Variants in SVEP1 observed in about 807,000 individuals in gnomAD.
SVEP1 encodes the protein sushi, von Willebrand factor type A, EGF and pentraxin domain-containing protein 1.
Under a neutral mutation model 367.3 loss-of-function variants are expected in SVEP1, and 164 were observed. The observed-to-expected ratio is 0.45, with a 90% CI of 0.39 to 0.51. The LOEUF (loss-of-function observed/expected upper bound fraction) is 0.51. SVEP1 is among the 20% of genes least tolerant of loss of function. SVEP1 has a pLI of 0.00. For missense variants in SVEP1, 4,117 were observed against 4,425.3 expected (o/e 0.93, Z 1.98); for synonymous variants, 1,666 against 1,611.6 (o/e 1.03, Z -0.81).
At chr9:110,428,747 G>T (rs1828300474) in intron 35 of SVEP1, among the ~76,000 whole-genome samples, 1 of 149,176 alleles carries the variant, frequency 6.7e-6, no homozygotes, top group Admixed American at 6.8e-5. Flanking sequence ...TTTGTTTTTA[G>T]AGTCAGCCAG....
chr9:110,401,843 A>G (rs1827867547), intron 39 of SVEP1, among the ~76,000 whole-genome samples: 1 of 152,012 alleles, frequency 6.6e-6, no homozygotes, highest in Admixed American at 6.6e-5. Flanking sequence ...GAAGATTGTT[A>G]TTCTATTGCT....
intron 19 of SVEP1, 127 bp from the exon 20 acceptor site, chr9:110,458,689 T>A (rs1828813278): frequency 9.7e-7 from 1 of 1,030,436 alleles, no homozygotes; most frequent in African/African-American, 1.6e-5. Context: ...TTCACTTATA[T>A]TTTAAAAAAG....
At chr9:110,383,303 T>C (rs1457845473) in intron 43 of SVEP1, among the ~76,000 whole-genome samples, 1 of 152,226 alleles carries the variant, frequency 6.6e-6, no homozygotes, top group Non-Finnish European at 1.5e-5. Context: ...TTGTTTTTCT[T>C]TTAACAGTCA....
At chr9:110,507,130 A>T (rs1210951785) in intron 5 of SVEP1, among the ~76,000 whole-genome samples, 1 of 152,242 alleles carries the variant, frequency 6.6e-6, no homozygotes, top group African/African-American at 2.4e-5. Flanking sequence ...AGCATTGGAC[A>T]TCGTACAAAA....
intron 3 of SVEP1, among the ~76,000 whole-genome samples, chr9:110,537,590 G>A (rs779963021): frequency 3.9e-5 from 6 of 151,916 alleles, no homozygotes; most frequent in Non-Finnish European, 7.4e-5. Flanking sequence ...GAATTATGTA[G>A]TGGAAGTAGA....
chr9:110,556,836 A>C (rs1830363107), intron 1 of SVEP1, among the ~76,000 whole-genome samples: 1 of 152,140 alleles, frequency 6.6e-6, no homozygotes, highest in Admixed American at 6.6e-5. Context: ...GAGCCAATAG[A>C]AGGAAATATA....
chr9:110,471,639 G>GT, intron 15 of SVEP1, 42 bp from the exon 16 acceptor site: 1 of 1,430,920 alleles, frequency 7.0e-7, no homozygotes, highest in Non-Finnish European at 9.6e-7. Context: ...AACACATGGT[G>GT]TTTCAGAAAG....
intron 43 of SVEP1, among the ~76,000 whole-genome samples, chr9:110,381,246 G>A (rs1420256584): frequency 6.6e-6 from 1 of 152,018 alleles, no homozygotes; most frequent in African/African-American, 2.4e-5. Flanking sequence ...TCTTCTGCTA[G>A]CTTTAGGGTT....
chr9:110,551,785 G>A (rs1208493522), intron 1 of SVEP1, among the ~76,000 whole-genome samples: 1 of 152,158 alleles, frequency 6.6e-6, no homozygotes, highest in Non-Finnish European at 1.5e-5. Context: ...CCTCTGAGGA[G>A]AGGAAGAGGG....
rs1564181883 is a variant in SVEP1, at chr9:110,579,016, G to T, written c.528C>A (p.Ala176=). ...TCGGGAGGGGCGGGCGCCTTACCGC[G>T]GCTTGCTGGAAGGCGCCCTTGGTGT... ...GTYTKGAFQQ[A]AQILLHAREN... The change falls in exon 1 of 48, where the codon GCC becomes GCA. Residue 176 remains alanine, a synonymous_variant. Transcript: ENST00000374469. The surrounding 1 kb of genome is among the most constrained non-coding windows in gnomAD (Gnocchi z 5.3). 6.5e-7 allele frequency: 1 copy of T among 1,546,148 alleles called. No homozygotes were observed.
At chr9:110,505,700 TTC>T (rs1488113060) in intron 5 of SVEP1, among the ~76,000 whole-genome samples, 1 of 152,092 alleles carries the variant, frequency 6.6e-6, no homozygotes, top group African/African-American at 2.4e-5. Flanking sequence ...TTTCTCTTTT[TTC>T]TCTCTCTCTT....
chr9:110,518,334 A>G (rs1829834247), intron 3 of SVEP1, among the ~76,000 whole-genome samples: 1 of 152,020 alleles, frequency 6.6e-6, no homozygotes, highest in Non-Finnish European at 1.5e-5. Flanking sequence ...AGACAGGAGA[A>G]TCACTTGAAC....
Position 110,443,592 on chromosome 9 carries a change from T to G in SVEP1, c.4592A>C (p.Lys1531Thr). ...GAGGCCAGCACCACCGTCAGATAATTTCCCATCGATATAGACTTTCCAGAT... is the reference window on the plus strand; with the variant it reads ...GAGGCCAGCACCACCGTCAGATAATGTCCCATCGATATAGACTTTCCAGAT... Reference protein sequence around the residue: ...NGIWKVYIDGKLSDGGAGLSV... With the variant: ...NGIWKVYIDGTLSDGGAGLSV... The change falls in exon 27 of 48, where the codon AAA becomes ACA. Residue 1531 changes from lysine to threonine, a missense_variant. By Grantham distance (78) the Lys-to-Thr change is moderately conservative. This residue lies in a region of SVEP1 where 2,174 missense variants were observed against 2,494.3 expected (regional missense o/e 0.87). Coordinates refer to ENST00000374469, the MANE Select transcript of SVEP1 (RefSeq NM_153366.4). The G allele has an allele frequency of 6.2e-7, 1 of 1,612,582 alleles. No homozygotes were observed. Among genetic ancestry groups the G allele is most frequent in the South Asian group, 1.1e-5 (1 of 90,696 alleles).
At chr9:110,438,420 G>T in intron 27 of SVEP1, among the ~76,000 whole-genome samples, 1 of 151,882 alleles carries the variant, frequency 6.6e-6, no homozygotes, top group East Asian at 1.9e-4. Context: ...GATCAGGCTG[G>T]TCTCCAACTC....
intron 46 of SVEP1, among the ~76,000 whole-genome samples, chr9:110,372,028 T>C (rs1345817358): frequency 6.6e-6 from 1 of 152,216 alleles, no homozygotes; most frequent in East Asian, 1.9e-4. Flanking sequence ...TGTGATGTGT[T>C]TCCTGATCGG....
intron 34 of SVEP1, among the ~76,000 whole-genome samples, chr9:110,429,701 A>G (rs1242782992): frequency 6.6e-6 from 1 of 152,168 alleles, no homozygotes; most frequent in African/African-American, 2.4e-5. Flanking sequence ...ACTGGAGGTA[A>G]TGATAGATTA....
At chr9:110,383,813 T>C (rs1310333409) in intron 43 of SVEP1, among the ~76,000 whole-genome samples, 1 of 152,098 alleles carries the variant, frequency 6.6e-6, no homozygotes, top group East Asian at 1.9e-4. Flanking sequence ...GTTGCTGAAA[T>C]TCCCGCAGGG....
At chr9:110,456,027 G>A (rs559937346) in intron 21 of SVEP1, among the ~76,000 whole-genome samples, 5 of 152,274 alleles carry the variant, frequency 3.3e-5, no homozygotes, top group African/African-American at 9.6e-5. Context: ...TCATCTGTAT[G>A]TGCTACCAAG....
intron 1 of SVEP1, among the ~76,000 whole-genome samples, chr9:110,569,526 C>T (rs1193232647): frequency 6.6e-6 from 1 of 151,170 alleles, no homozygotes; most frequent in Non-Finnish European, 1.5e-5. Flanking sequence ...GTTCATCAAA[C>T]TCATGTCCTC....
Sources: allele counts gnomAD v4.1 joint callset (sites outside exome capture counted in the v4.1 genomes callset), GRCh38; gene constraint gnomAD v4.1.1; regional missense constraint gnomAD v4.1.1; non-coding constraint Gnocchi (gnomAD v3.1); transcripts MANE v1.5; gene names NCBI Gene and HGNC (gene_info 2026-07-23, HGNC 2026-07-21).